The following YME1L1 variants were observed in gnomAD, a reference collection of about 807,000 sequenced individuals.
The protein encoded by YME1L1 is ATP-dependent zinc metalloprotease YME1L1.
In YME1L1, 39 loss-of-function variants were observed where a neutral mutation model predicts 90.4. That is an observed-to-expected ratio of 0.43 (90% CI 0.33 to 0.56). The LOEUF is 0.56. Among genes scored for constraint, YME1L1 ranks in the 20% least tolerant of loss-of-function variants. The probability of loss-of-function intolerance (pLI) is 0.03; values close to 1 mark genes in which losing one functional copy is unlikely to be tolerated. For missense variants in YME1L1, 617 were observed against 868.4 expected (o/e 0.71, Z 3.64); for synonymous variants, 284 against 287.3 (o/e 0.99, Z 0.12).
intron 12 of YME1L1, 41 bp from the exon 13 acceptor site, chr10:27,120,588 T>A: frequency 6.5e-7 from 1 of 1,529,960 alleles, no homozygotes; most frequent in Non-Finnish European, 9.0e-7. Flanking sequence ...ATTAAAACTA[T>A]TTAAGCTCAA....
intron 10 of YME1L1, 39 bp from the exon 11 acceptor site, chr10:27,123,012 G>A: frequency 1.9e-6 from 3 of 1,593,908 alleles, no homozygotes; most frequent in East Asian, 2.2e-5. Flanking sequence ...CTGAAAGAAA[G>A]TCAACACTTT....
At chr10:27,125,265 C>T (rs1177209398) in intron 9 of YME1L1, among the ~76,000 whole-genome samples, 1 of 151,858 alleles carries the variant, frequency 6.6e-6, no homozygotes, top group African/African-American at 2.4e-5. Context: ...AATTGTGATA[C>T]AACCATAAAT....
At position 27,139,123 on chromosome 10, in the gene YME1L1, A is replaced by C. The variant is rs1235897908; in HGVS notation, c.431-2738T>G. 2.0e-5 allele frequency among the ~76,000 whole-genome samples: 3 copies of C among 152,228 alleles called. No individual in the cohort carries two copies. The East Asian group carries it at 5.8e-4, about 29-fold the overall frequency. ...CAGATTTTATTTAGGATTTCTGTTA[A>C]GTGAAACACATCTATTTTGTTCCTC... On this transcript the variant is annotated intron_variant, in intron 4 of 18. Coordinates refer to ENST00000376016, the MANE Select transcript of YME1L1 (RefSeq NM_014263.4).
At chr10:27,142,289 G>A in intron 4 of YME1L1, 98 bp downstream of exon 4, 1 of 685,886 alleles carries the variant, frequency 1.5e-6, no homozygotes, top group Admixed American at 3.2e-5. Flanking sequence ...CCTGTGAATT[G>A]CAAATGAATG....
intron 1 of YME1L1, among the ~76,000 whole-genome samples, chr10:27,150,457 G>A (rs1355772854): frequency 2.6e-5 from 4 of 152,176 alleles, no homozygotes; most frequent in Non-Finnish European, 5.9e-5. Flanking sequence ...TTCCCAGGAG[G>A]TTAGGCATTC....
chr10:27,136,821 G>C (rs904657822), intron 4 of YME1L1, among the ~76,000 whole-genome samples: 3 of 151,846 alleles, frequency 2.0e-5, no homozygotes, highest in Non-Finnish European at 2.9e-5. Context: ...CGCCTCCTGG[G>C]TTCAAGCAAC....
chr10:27,127,914 T>C (rs571319389), intron 8 of YME1L1, among the ~76,000 whole-genome samples: 1 of 152,270 alleles, frequency 6.6e-6, no homozygotes, highest in African/African-American at 2.4e-5. Flanking sequence ...ATAATATCCA[T>C]GTACTAAAAG....
In YME1L1 at chr10:27,123,837, C is replaced by T. The variant is rs185013035; in HGVS notation, c.950-138G>A. ...CAATAACCAATATTTTGAAACACAG[C>T]AAACCGTACTTGTCTCTGCTAATGG... On this transcript the variant is annotated intron_variant, in intron 9 of 18. Coordinates refer to ENST00000376016, the MANE Select transcript of YME1L1 (RefSeq NM_014263.4). The T allele has an allele frequency of 1.5e-4, 126 of 840,192 alleles. 1 individual carries two copies. The highest frequency in any genetic ancestry group is 1.3e-3 in the Admixed American group (40 of 29,914). The allele number at this position is 840,192 out of a possible 1,614,324, so 52.0% of individuals were successfully genotyped here. A position where few individuals can be genotyped will look rare whatever the true frequency, so the allele number is the denominator to read the frequency against.
Position 27,123,633 on chromosome 10 carries a change from G to C in YME1L1, c.1016C>G (p.Ala339Gly). ...TLLARAVAGE[A>G]DVPFYYASGS... Reference sequence around the variant, plus strand: ...AGAAGCATAATAAAAAGGAACATCAGCTTCTCCCGCCACAGCTCGGGCAAG... The same window carrying C: ...AGAAGCATAATAAAAAGGAACATCACCTTCTCCCGCCACAGCTCGGGCAAG... Residue 339 changes from alanine to glycine, a missense_variant, in exon 10 of 19, where the codon GCT becomes GGT. Coordinates refer to ENST00000376016, the MANE Select transcript of YME1L1 (RefSeq NM_014263.4). 1 of 1,613,846 alleles carries C rather than the reference G, an allele frequency of 6.2e-7. No individual in the cohort carries two copies. The highest frequency in any genetic ancestry group is 8.5e-7 in the Non-Finnish European group (1 of 1,179,894).
intron 1 of YME1L1, among the ~76,000 whole-genome samples, chr10:27,152,407 G>A (rs2057230206): frequency 6.6e-6 from 1 of 152,136 alleles, no homozygotes; most frequent in Non-Finnish European, 1.5e-5. Flanking sequence ...ATCCTTCAAA[G>A]CAAGAAATGC....
Position 27,125,007 on chromosome 10 carries a change from C to T in YME1L1, c.950-1308G>A, listed in dbSNP as rs146092220. ...ATTAAGCACTGATTTAATAAATGTA[C>T]CCTAAATTAGCAAAGGTTACTGCAA... On this transcript the variant is annotated intron_variant, in intron 9 of 18. Transcript: ENST00000376016. Among the ~76,000 whole-genome samples the T allele has an allele frequency of 3.4e-4, 51 of 152,212 alleles. 1 individual carries two copies. Among genetic ancestry groups the T allele is most frequent in the African/African-American group, 1.2e-3 (50 of 41,534 alleles).
At position 27,141,096 on chromosome 10, in the gene YME1L1, T is replaced by C. The variant is rs116851682; in HGVS notation, c.430+1291A>G. ...TTGGTAATCCATTTGTATTTATAAA[T>C]AAGAATACAGTGATCAGGGCCTGGC... On this transcript the variant is annotated intron_variant, in intron 4 of 18. Coordinates refer to ENST00000376016, the MANE Select transcript of YME1L1 (RefSeq NM_014263.4). Among the ~76,000 whole-genome samples, 5 of 152,268 alleles carry C rather than the reference T, an allele frequency of 3.3e-5. No homozygotes were observed. The East Asian group carries it at 7.7e-4, about 24-fold the overall frequency.
At chr10:27,114,214 T>C (rs2056789218) in intron 18 of YME1L1, among the ~76,000 whole-genome samples, 1 of 152,190 alleles carries the variant, frequency 6.6e-6, no homozygotes. Context: ...ATACCTAATA[T>C]GTAGTTATTT....
intron 2 of YME1L1, chr10:27,147,363 A>G (rs994784388): frequency 6.7e-7 from 1 of 1,489,144 alleles, no homozygotes; most frequent in Non-Finnish European, 9.3e-7. Flanking sequence ...CAAACAAACA[A>G]AGAAACTAGA....
In YME1L1 at chr10:27,131,871, T is replaced by C. The variant is rs375597673; in HGVS notation, c.846A>G (p.Glu282=). 1.9e-6 allele frequency: 3 copies of C among 1,612,392 alleles called. No homozygotes were observed. In the South Asian group the frequency reaches 3.3e-5, roughly 18 times the overall value. Residue 282 remains glutamate, a synonymous_variant, in exon 8 of 19, where the codon GAA becomes GAG. Coordinates refer to ENST00000376016, the MANE Select transcript of YME1L1 (RefSeq NM_014263.4). The part of the protein sequence containing the change: ...DPVQMKNVTF[E]HVKGVEEAKQ... ...CTTCTTAACTTACCCCTTTAACATG[T>C]TCAAAGGTGACATTTTTCATCTGGA...
intron 12 of YME1L1, 142 bp from the exon 13 acceptor site, chr10:27,120,689 T>A: frequency 3.4e-6 from 2 of 595,036 alleles, no homozygotes; most frequent in Non-Finnish European, 5.8e-6. Context: ...ATTCAGATAG[T>A]TCCTTTAAAA....
chr10:27,128,699 G>A (rs1395277840), intron 8 of YME1L1, among the ~76,000 whole-genome samples: 1 of 151,990 alleles, frequency 6.6e-6, no homozygotes, highest in Non-Finnish European at 1.5e-5. Context: ...GAGCTCAGGA[G>A]ATCAAGACCA....
intron 4 of YME1L1, among the ~76,000 whole-genome samples, chr10:27,139,687 G>A (rs2057065866): frequency 6.6e-6 from 1 of 151,972 alleles, no homozygotes; most frequent in Admixed American, 6.5e-5. Flanking sequence ...ATCTCTTCTT[G>A]GGTTAACTTT....
rs747505960 is a variant in YME1L1 at position 27,116,086 on chromosome 10, C to T, written c.1894G>A (p.Val632Ile). The T allele has an allele frequency of 7.2e-5, 116 of 1,613,666 alleles. No individual in the cohort carries two copies. Among genetic ancestry groups the T allele is most frequent in the Non-Finnish European group, 8.7e-5 (103 of 1,179,958 alleles). ...DNATKIAKRM[V>I]TKFGMSEKLG... ...TTTTCACTCATTCCAAATTTGGTAA[C>T]CATCCGCTTTGCTATTTTAGTGGCA... Residue 632 changes from valine to isoleucine, a missense_variant, in exon 17 of 19, where the codon GTT becomes ATT. Around this residue, in one of 4 missense-constraint regions of YME1L1, gnomAD observed 212 missense variants for 330.0 expected, o/e 0.64. Coordinates refer to ENST00000376016, the MANE Select transcript of YME1L1 (RefSeq NM_014263.4).
Sources: allele counts gnomAD v4.1 joint callset (sites outside exome capture counted in the v4.1 genomes callset), GRCh38; gene constraint gnomAD v4.1.1; regional missense constraint gnomAD v4.1.1; transcripts MANE v1.5; gene names NCBI Gene and HGNC (gene_info 2026-07-23, HGNC 2026-07-21).